Variants in DGKB observed in about 807,000 individuals in gnomAD.
DGKB encodes diacylglycerol kinase beta.
In DGKB, 67 loss-of-function variants were observed where a neutral mutation model predicts 114.3. That is an observed-to-expected ratio of 0.59 (90% CI 0.48 to 0.72). The LOEUF is 0.72. Among genes scored for constraint, DGKB ranks in the 30% least tolerant of loss-of-function variants. The pLI is 0.00. For synonymous variants in DGKB, 398 were observed against 323.1 expected (o/e 1.23, Z -2.49); for missense variants, 907 against 975.2 (o/e 0.93, Z 0.93).
At position 14,329,720 on chromosome 7, in the gene DGKB, C is replaced by T. The variant is rs144984202; in HGVS notation, c.2122+8795G>A. Among the ~76,000 whole-genome samples, 121 of 152,042 alleles carry T rather than the reference C, an allele frequency of 8.0e-4. 1 individual carries two copies. The highest frequency in any genetic ancestry group is 4.1e-3 in the East Asian group (21 of 5,176). On this transcript the variant is annotated intron_variant, in intron 23 of 25. Transcript: ENST00000402815. ...AATCATTACCCTCAAAGGGCAAGATCGCTATCAGGCTTTATATTTAGGAAA... is the reference window on the plus strand; with the variant it reads ...AATCATTACCCTCAAAGGGCAAGATTGCTATCAGGCTTTATATTTAGGAAA...
intron 21 of DGKB, among the ~76,000 whole-genome samples, chr7:14,457,226 C>T (rs186325227): frequency 8.3e-4 from 126 of 152,128 alleles, no homozygotes; most frequent in African/African-American, 2.8e-3. Context: ...AAAAGGACTG[C>T]GTTATTAACA....
At chr7:14,322,852 A>C (rs1315333209) in intron 23 of DGKB, among the ~76,000 whole-genome samples, 3 of 152,204 alleles carry the variant, frequency 2.0e-5, no homozygotes, top group African/African-American at 7.2e-5. Context: ...GTCATCATTA[A>C]AATGCATATT....
chr7:14,593,210 G>A (rs1049209871), intron 17 of DGKB, among the ~76,000 whole-genome samples: 4 of 151,962 alleles, frequency 2.6e-5, no homozygotes, highest in African/African-American at 9.7e-5. Context: ...AAAAGTGAAG[G>A]AGAGAGGGAC....
intron 1 of DGKB, among the ~76,000 whole-genome samples, chr7:14,972,506 T>G (rs1476148849): frequency 1.3e-5 from 2 of 152,116 alleles, no homozygotes; most frequent in African/African-American, 4.8e-5. Context: ...TGCTATAAAA[T>G]CACTGAACTT....
Position 14,613,357 on chromosome 7 carries a change from A to G in DGKB, c.1341T>C (p.Gly447=), listed in dbSNP as rs777693752. ...PLLVFVNPKS[G]GKQGERIYRK... is the part of the protein sequence containing the mutation. ...AAACATACCGTTCTCCTTGTTTTCCACCACTTTTGGGGTTCACAAAAACTA... is the reference window on the plus strand; with the variant it reads ...AAACATACCGTTCTCCTTGTTTTCCGCCACTTTTGGGGTTCACAAAAACTA... The change falls in exon 16 of 26, where the codon GGT becomes GGC. Residue 447 remains glycine (G), a synonymous_variant. Transcript: ENST00000402815. 1.3e-6 allele frequency: 2 copies of G among 1,568,776 alleles called. No individual in the cohort carries two copies. The highest frequency in any genetic ancestry group is 1.7e-6 in the Non-Finnish European group (2 of 1,154,792).
chr7:14,548,021 T>C lies in DGKB; in HGVS notation c.1770+26191A>G, dbSNP rs552679368. ...GTTAGAAGTATTTAAAAGAATAACA[T>C]CGTTACCTTTATCTATACCTAGAAA... On this transcript the variant is annotated intron_variant, in intron 20 of 25. Transcript: ENST00000402815. Among the ~76,000 whole-genome samples the C allele has an allele frequency of 3.3e-5, 5 of 152,324 alleles. No individual in the cohort carries two copies. In the South Asian group the frequency reaches 6.2e-4, roughly 19 times the overall value.
chr7:14,315,964 T>C (rs1346744891), intron 23 of DGKB, among the ~76,000 whole-genome samples: 6 of 151,614 alleles, frequency 4.0e-5, no homozygotes, highest in Non-Finnish European at 7.4e-5. Context: ...AAACTAGAAC[T>C]CAGGATTAAG....
intron 20 of DGKB, among the ~76,000 whole-genome samples, chr7:14,569,905 G>C (rs891218086): frequency 2.1e-4 from 32 of 151,366 alleles, no homozygotes; most frequent in African/African-American, 7.7e-4. Context: ...CTTTATATAG[G>C]TCATGTGTAT....
At chr7:14,637,547 CAT>C (rs1325297099) in intron 13 of DGKB, among the ~76,000 whole-genome samples, 2 of 150,758 alleles carry the variant, frequency 1.3e-5, no homozygotes, top group African/African-American at 2.4e-5. Flanking sequence ...TATATATATA[CAT>C]GTGTGTATAC....
rs1238759341 is a variant in DGKB at position 14,622,616 on chromosome 7, A to G, written c.1168-1122T>C. Among the ~76,000 whole-genome samples the G allele has an allele frequency of 2.0e-5, 3 of 152,108 alleles. No individual in the cohort carries two copies. In the East Asian group the frequency reaches 5.8e-4, roughly 29 times the overall value. On this transcript the variant is annotated intron_variant, in intron 14 of 25. Coordinates refer to ENST00000402815, the MANE Select transcript of DGKB (RefSeq NM_001350709.2). ...TAAATCTCAAACTGGATGACAACTC[A>G]CCACCTGCCTCATTACATGGCTTAA...
intron 1 of DGKB, among the ~76,000 whole-genome samples, chr7:14,897,844 G>A (rs1369605437): frequency 1.3e-5 from 2 of 151,818 alleles, no homozygotes; most frequent in Non-Finnish European, 2.9e-5. Flanking sequence ...GGGGGCAAAG[G>A]CAAAATATTG....
At chr7:14,383,221 A>G (rs1417213701) in intron 21 of DGKB, among the ~76,000 whole-genome samples, 1 of 152,134 alleles carries the variant, frequency 6.6e-6, no homozygotes, top group East Asian at 1.9e-4. Flanking sequence ...TCTAAATACC[A>G]GTTCTTGTCT....
intron 6 of DGKB, among the ~76,000 whole-genome samples, chr7:14,710,540 C>T (rs1337293717): frequency 1.3e-5 from 2 of 152,070 alleles, no homozygotes; most frequent in African/African-American, 4.8e-5. Flanking sequence ...TTGAACTATA[C>T]TTAGAGTAGT....
intron 20 of DGKB, among the ~76,000 whole-genome samples, chr7:14,497,261 G>A (rs1054157845): frequency 6.6e-6 from 1 of 151,622 alleles, no homozygotes; most frequent in South Asian, 2.1e-4. Flanking sequence ...GGTGATGGGT[G>A]CACTAAAATC....
chr7:14,305,608 T>C (rs1804332940), intron 23 of DGKB, among the ~76,000 whole-genome samples: 1 of 152,178 alleles, frequency 6.6e-6, no homozygotes, highest in Non-Finnish European at 1.5e-5. Flanking sequence ...CATTTATTTA[T>C]AGTTCTAGTG....
intron 4 of DGKB, among the ~76,000 whole-genome samples, chr7:14,748,367 A>G (rs541063363): frequency 6.6e-6 from 1 of 152,344 alleles, no homozygotes; most frequent in African/African-American, 2.4e-5. Flanking sequence ...TTTTAAATCC[A>G]ATTATCAGGA....
intron 23 of DGKB, among the ~76,000 whole-genome samples, chr7:14,298,178 C>T (rs1802908443): frequency 6.6e-6 from 1 of 152,196 alleles, no homozygotes; most frequent in Non-Finnish European, 1.5e-5. Flanking sequence ...CTACCATTGA[C>T]TTTCTTCACA....
At chr7:14,583,388 T>G (rs1800250130) in intron 17 of DGKB, among the ~76,000 whole-genome samples, 1 of 152,096 alleles carries the variant, frequency 6.6e-6, no homozygotes, top group Non-Finnish European at 1.5e-5. Context: ...TTTAATAAAC[T>G]CTAAAATTTT....
chr7:14,426,802 C>T (rs1827628414), intron 21 of DGKB, among the ~76,000 whole-genome samples: 1 of 152,022 alleles, frequency 6.6e-6, no homozygotes, highest in Non-Finnish European at 1.5e-5. Context: ...TGCCTGTAAT[C>T]CAAGCACTTT....
Sources: gnomAD v4.1 joint callset for allele counts (sites outside exome capture counted in the v4.1 genomes callset) on GRCh38, gnomAD v4.1.1 for gene constraint, MANE v1.5 for transcripts, NCBI Gene and HGNC (gene_info 2026-07-23, HGNC 2026-07-21) for gene names.